Variants in BNC2 observed in about 807,000 individuals in gnomAD.
BNC2 encodes basonuclin zinc finger protein 2, also known as zinc finger protein basonuclin-2.
In BNC2, 20 loss-of-function variants were observed where a neutral mutation model predicts 76.3. The ratio of observed to expected loss-of-function variants is 0.26; its 90% CI spans 0.18 to 0.38. BNC2 has a LOEUF of 0.38. BNC2 is among the 10% of genes least tolerant of loss of function. The pLI is 1.00. For missense variants in BNC2, 1,382 were observed against 1,399.8 expected, an observed-to-expected ratio of 0.99 and a Z score of 0.20; for synonymous variants, 582 against 514.8, an observed-to-expected ratio of 1.13 and a Z score of -1.77.
In BNC2 at chr9:16,736,261, G is replaced by A. The variant is rs74608469; in HGVS notation, c.129+2099C>T. ...AGAAAAAAGAAAACCATATTGCAAG[G>A]CAGAGTTCAGTACCTTACAAAATTA... On this transcript the variant is annotated intron_variant, in intron 2 of 6. Transcript: ENST00000380672. 5.4e-3 allele frequency among the ~76,000 whole-genome samples: 811 copies of A among 150,778 alleles called. 7 individuals are homozygous for A. Among genetic ancestry groups the A allele is most frequent in the African/African-American group, 0.019 (776 of 41,216 alleles).
chr9:16,498,977 A>T (rs1040449182), intron 5 of BNC2, among the ~76,000 whole-genome samples: 1 of 152,248 alleles, frequency 6.6e-6, no homozygotes, highest in African/African-American at 2.4e-5. Context: ...AGACAGATTG[A>T]ACATATTTAA....
At chr9:16,511,877 T>C (rs951809372) in intron 5 of BNC2, among the ~76,000 whole-genome samples, 2 of 152,222 alleles carry the variant, frequency 1.3e-5, no homozygotes, top group Admixed American at 6.5e-5. Flanking sequence ...AGGATTTGTG[T>C]ACTTGTGTGT....
intron 4 of BNC2, among the ~76,000 whole-genome samples, chr9:16,581,804 T>A (rs1198676764): frequency 6.6e-6 from 1 of 152,112 alleles, no homozygotes; most frequent in Non-Finnish European, 1.5e-5. Flanking sequence ...CTGTTGCTGA[T>A]TTGGGCCTTG....
At chr9:16,832,636 C>A (rs1362425360) in intron 1 of BNC2, among the ~76,000 whole-genome samples, 4 of 152,156 alleles carry the variant, frequency 2.6e-5, no homozygotes, top group African/African-American at 9.7e-5. Flanking sequence ...TCCCAAAATA[C>A]ATATTTTTCC....
At chr9:16,625,718 G>A (rs2133652050) in intron 3 of BNC2, 1 of 152,312 alleles carries the variant, frequency 6.6e-6, no homozygotes, top group East Asian at 1.9e-4. Context: ...CAATGAGAAA[G>A]GCTGCTTCCT....
At chr9:16,608,610 A>T (rs181778932) in intron 3 of BNC2, among the ~76,000 whole-genome samples, 9 of 152,266 alleles carry the variant, frequency 5.9e-5, no homozygotes, top group East Asian at 3.9e-4. Flanking sequence ...GGCTCAAGGG[A>T]TCTTCCTGCC....
intron 3 of BNC2, among the ~76,000 whole-genome samples, chr9:16,641,793 A>C (rs2133857125): frequency 6.6e-6 from 1 of 152,354 alleles, no homozygotes; most frequent in African/African-American, 2.4e-5. Flanking sequence ...ATATGTAATC[A>C]AATATGTAAA....
At chr9:16,426,994 T>A (rs1238647432) in intron 6 of BNC2, among the ~76,000 whole-genome samples, 1 of 152,188 alleles carries the variant, frequency 6.6e-6, no homozygotes, top group Non-Finnish European at 1.5e-5. Flanking sequence ...AACCACTGAG[T>A]TCATCTTGCT....
intron 3 of BNC2, among the ~76,000 whole-genome samples, chr9:16,592,835 C>G (rs1819970644): frequency 6.6e-6 from 1 of 152,108 alleles, no homozygotes; most frequent in African/African-American, 2.4e-5. Flanking sequence ...TACACAAATG[C>G]TAAGTGAGTT....
At chr9:16,721,855 G>A (rs553954120) in intron 3 of BNC2, among the ~76,000 whole-genome samples, 4 of 152,154 alleles carry the variant, frequency 2.6e-5, no homozygotes, top group African/African-American at 9.6e-5. Flanking sequence ...AAACACTAAG[G>A]TTCAAATTAT....
At chr9:16,607,221 C>T (rs1478226028) in intron 3 of BNC2, among the ~76,000 whole-genome samples, 1 of 152,264 alleles carries the variant, frequency 6.6e-6, no homozygotes, top group South Asian at 2.1e-4. Context: ...TCCCAAAGTG[C>T]GTGAGCCACA....
chr9:16,464,600 T>A (rs1821664359), intron 5 of BNC2, among the ~76,000 whole-genome samples: 1 of 152,140 alleles, frequency 6.6e-6, no homozygotes, highest in Admixed American at 6.5e-5. Context: ...CATATCTACT[T>A]TCCTTTCTTC....
intron 1 of BNC2, among the ~76,000 whole-genome samples, chr9:16,854,848 A>G (rs1381036872): frequency 6.6e-6 from 1 of 151,788 alleles, no homozygotes; most frequent in Non-Finnish European, 1.5e-5. Flanking sequence ...CACTGTCAAT[A>G]CTCTTACAAG....
Position 16,412,135 on chromosome 9 carries a change from A to C in BNC2, c.*6854T>G, listed in dbSNP as rs554797223. 12 of 152,714 alleles carry C rather than the reference A, an allele frequency of 7.9e-5. No individual in the cohort carries two copies. The highest frequency in any genetic ancestry group is 2.6e-4 in the African/African-American group (11 of 41,556). 9.5% of individuals were successfully genotyped at this position (152,714 alleles called of 1,614,324 possible). On this transcript the variant is annotated 3_prime_UTR_variant, in exon 7 of 7. Transcript: ENST00000380672. ...GTACTTGTACTTACCAAAGTTCTTCAAAGTGGAGAATTTACCTTTTACTCA... is the reference window on the plus strand; with the variant it reads ...GTACTTGTACTTACCAAAGTTCTTCCAAGTGGAGAATTTACCTTTTACTCA...
At chr9:16,787,788 T>C (rs10810629) in intron 1 of BNC2, among the ~76,000 whole-genome samples, 73,399 of 152,042 alleles carry the variant, frequency 0.48, 22,175 homozygotes, top group Non-Finnish European at 0.69. Context: ...TTGCTTCAGG[T>C]GATCCTCCTG....
At chr9:16,768,334 A>G (rs1460464850) in intron 1 of BNC2, among the ~76,000 whole-genome samples, 2 of 152,148 alleles carry the variant, frequency 1.3e-5, no homozygotes, top group African/African-American at 4.8e-5. Context: ...TAGGGAAGTT[A>G]TGAGAGATGC....
intron 3 of BNC2, among the ~76,000 whole-genome samples, chr9:16,678,342 A>G (rs1338220772): frequency 1.6e-5 from 2 of 128,544 alleles, no homozygotes; most frequent in East Asian, 5.0e-4. Context: ...GCAGTGGTGC[A>G]ATCTCGGCTC....
At chr9:16,481,709 C>A (rs1822060775) in intron 5 of BNC2, among the ~76,000 whole-genome samples, 2 of 152,028 alleles carry the variant, frequency 1.3e-5, no homozygotes, top group Non-Finnish European at 2.9e-5. Flanking sequence ...TTTTTTAAAG[C>A]CAACAAGTTG....
chr9:16,681,293 T>C (rs182888948), intron 3 of BNC2, among the ~76,000 whole-genome samples: 5 of 152,314 alleles, frequency 3.3e-5, no homozygotes, highest in African/African-American at 1.2e-4. Context: ...GAGAGAGTCA[T>C]ATGGACCTCA....
Sources: allele counts gnomAD v4.1 joint callset (sites outside exome capture counted in the v4.1 genomes callset), GRCh38; gene constraint gnomAD v4.1.1; transcripts MANE v1.5; gene names NCBI Gene and HGNC (gene_info 2026-07-23, HGNC 2026-07-21).